EYA3: variants seen among roughly 807,000 people sequenced by gnomAD.
EYA3 encodes EYA transcriptional coactivator and phosphatase 3, also known as protein phosphatase EYA3.
In EYA3, 39 loss-of-function variants were observed where a neutral mutation model predicts 80.0. The observed-to-expected ratio is 0.49, with a 90% confidence interval of 0.38 to 0.64. EYA3 has a LOEUF of 0.64. Ranked by LOEUF, EYA3 falls within the 30% of genes least tolerant of loss-of-function variation. EYA3 has a pLI of 0.00. For synonymous variants in EYA3, 206 were observed against 232.8 expected (o/e 0.88, Z 1.05); for missense variants, 523 against 676.1 (o/e 0.77, Z 2.51).
At chr1:28,033,646 T>G (rs905272602) in intron 6 of EYA3, among the ~76,000 whole-genome samples, 6 of 135,308 alleles carry the variant, frequency 4.4e-5, no homozygotes, top group Non-Finnish European at 8.1e-5. Flanking sequence ...TAATGTATTA[T>G]TATTATTATT....
At chr1:28,004,485 A>G (rs1641129087) in intron 10 of EYA3, 66 bp from the exon 11 acceptor site, 11 of 1,191,172 alleles carry the variant, frequency 9.2e-6, no homozygotes, top group Admixed American at 5.6e-5. Flanking sequence ...CCAGAAATCA[A>G]TAACAGAAAG....
At chr1:27,980,226 A>ACCC (rs1639207483) in intron 16 of EYA3, among the ~76,000 whole-genome samples, 1 of 152,200 alleles carries the variant, frequency 6.6e-6, no homozygotes, top group Admixed American at 6.5e-5. Flanking sequence ...CAAACATTAA[A>ACCC]CCATTCAACT....
chr1:28,028,602 A>G (rs1220001357), intron 6 of EYA3, among the ~76,000 whole-genome samples: 1 of 151,068 alleles, frequency 6.6e-6, no homozygotes, highest in Non-Finnish European at 1.5e-5. Context: ...TTTTTAAATA[A>G]GATAGGGTTT....
At chr1:28,079,093 C>T (rs1188011660) in intron 1 of EYA3, among the ~76,000 whole-genome samples, 1 of 152,126 alleles carries the variant, frequency 6.6e-6, no homozygotes, top group East Asian at 1.9e-4. Context: ...CCAGGCCTCC[C>T]AAGTATGAGT....
intron 17 of EYA3, among the ~76,000 whole-genome samples, chr1:27,977,825 G>A (rs1307406410): frequency 6.9e-6 from 1 of 145,266 alleles, no homozygotes; most frequent in Non-Finnish European, 1.5e-5. Flanking sequence ...TCCAGCCTGG[G>A]AGATAGAGTG....
At chr1:28,033,984 C>A (rs1452769620) in intron 6 of EYA3, among the ~76,000 whole-genome samples, 1 of 151,652 alleles carries the variant, frequency 6.6e-6, no homozygotes, top group Non-Finnish European at 1.5e-5. Context: ...CACTTGAGGC[C>A]AGGAGTTTGA....
At chr1:28,083,223 G>T (rs1645494076) in intron 1 of EYA3, among the ~76,000 whole-genome samples, 1 of 152,142 alleles carries the variant, frequency 6.6e-6, no homozygotes, top group Non-Finnish European at 1.5e-5. Context: ...AATGGAGATA[G>T]TAAGAAGAGT....
At position 27,997,180 on chromosome 1, in the gene EYA3, T is replaced by G. The variant is rs544514296; in HGVS notation, c.1142+140A>C. ...TCACACTATACATCACGGTTAACTA[T>G]GTTTGTTTCTATGTCCTCTAACAGG... is the stretch of plus-strand genomic sequence containing the variant. On this transcript the variant is annotated intron_variant, in intron 13 of 17. Transcript: ENST00000373871. 4.3e-4 allele frequency: 323 copies of G among 742,952 alleles called. 2 individuals carry two copies. The highest frequency in any genetic ancestry group is 2.9e-3 in the Middle Eastern group (12 of 4,174). The allele number at this position is 742,952 out of a possible 1,614,324, so 46.0% of individuals were successfully genotyped here. A position where few individuals can be genotyped will look rare whatever the true frequency, so the allele number is the denominator to read the frequency against.
In EYA3 at chr1:28,048,444, C is replaced by T. The variant is rs1431019651; in HGVS notation, c.34-18G>A. ...TTTTTCACCTGCAAAAATAAATATA[C>T]AAAGGTATCAATGTACTTGATCTGT... On this transcript the variant is annotated intron_variant, in intron 2 of 17. Transcript: ENST00000373871. 1 of 1,602,678 alleles carries T rather than the reference C, an allele frequency of 6.2e-7. No individual in the cohort carries two copies. Among genetic ancestry groups the T allele is most frequent in the East Asian group, 2.2e-5 (1 of 44,738 alleles).
At chr1:28,029,087 G>A (rs970642896) in intron 6 of EYA3, among the ~76,000 whole-genome samples, 6 of 152,270 alleles carry the variant, frequency 3.9e-5, no homozygotes, top group Non-Finnish European at 4.4e-5. Flanking sequence ...ATCTTTCCAA[G>A]TCAGAACATA....
At chr1:28,078,644 TA>T (rs1208349990) in intron 1 of EYA3, among the ~76,000 whole-genome samples, 4 of 152,230 alleles carry the variant, frequency 2.6e-5, no homozygotes, top group Admixed American at 2.6e-4. Flanking sequence ...CTCCCAGGTT[TA>T]GCAATTTTTA....
chr1:28,004,398 C>T lies in EYA3; in HGVS notation c.931G>A (p.Asp311Asn). Residue 311 changes from aspartate (D) to asparagine (N), a missense_variant, in exon 11 of 18, where the codon GAT (aspartate) becomes AAT (asparagine). Around this residue, in one of 2 missense-constraint regions of EYA3, gnomAD observed 219 missense variants for 332.8 expected, o/e 0.66. Transcript: ENST00000373871. Reference protein sequence around the residue: ...ELERVFLWDLDETIIIFHSLL... With the variant: ...ELERVFLWDLNETIIIFHSLL... ...GAGTGGAAGATGATGATGGTTTCAT[C>T]CAAGTCCCACAGAAATACCCGCTGA... 1 of 1,607,932 alleles carries T rather than the reference C, an allele frequency of 6.2e-7. No individual in the cohort carries two copies. Among genetic ancestry groups the T allele is most frequent in the Non-Finnish European group, 8.5e-7 (1 of 1,175,628 alleles).
At chr1:27,976,920 G>C (rs1174014671) in intron 17 of EYA3, 1 of 541,192 alleles carries the variant, frequency 1.8e-6, no homozygotes, top group African/African-American at 2.1e-5. Context: ...ATTTCACCAT[G>C]TTGGCCAGGC....
intron 1 of EYA3, among the ~76,000 whole-genome samples, chr1:28,069,581 A>G (rs1394618690): frequency 6.7e-6 from 1 of 148,626 alleles, no homozygotes; most frequent in African/African-American, 2.5e-5. Flanking sequence ...GAAGAAGAAG[A>G]AAAAAAAAGA....
intron 7 of EYA3, among the ~76,000 whole-genome samples, chr1:28,019,121 G>C (rs1272018637): frequency 6.6e-6 from 1 of 152,166 alleles, no homozygotes; most frequent in Admixed American, 6.5e-5. Context: ...AGCTGAGATC[G>C]CGCCACTGCA....
intron 17 of EYA3, 76 bp downstream of exon 17, chr1:27,978,298 A>G: frequency 9.6e-7 from 1 of 1,044,212 alleles, no homozygotes; most frequent in Non-Finnish European, 1.5e-6. Context: ...TAGATTGCTA[A>G]GATTTTGTAG....
Position 28,027,920 on chromosome 1 carries a change from A to G in EYA3, c.368T>C (p.Leu123Ser), listed in dbSNP as rs761172523. The G allele has an allele frequency of 3.1e-6, 5 of 1,614,092 alleles. No homozygotes were observed. Among genetic ancestry groups the G allele is most frequent in the Non-Finnish European group, 3.4e-6 (4 of 1,179,982 alleles). ...QTYGLPPFGA[L>S]WPGMKPESGL... ...ACTTTCAGGTTTCATACCTGGCCAC[A>G]ATGCACCTGAATCAGATAAATTGGA... The change falls in exon 7 of 18, where the codon TTG becomes TCG. Residue 123 changes from leucine (L) to serine (S), a missense_variant. Physicochemically the swap from Leu to Ser is moderately radical, Grantham distance 145. Coordinates refer to ENST00000373871, the MANE Select transcript of EYA3 (RefSeq NM_001990.4).
chr1:28,014,197 G>A lies in EYA3; in HGVS notation c.586-903C>T, dbSNP rs186442592. 1.2e-3 allele frequency among the ~76,000 whole-genome samples: 181 copies of A among 151,984 alleles called. No homozygotes were observed. The Middle Eastern group carries it at 0.014, about 11-fold the overall frequency. ...TTTGGGAGGACGAGGTGGGAGGATCGCATGAGCTCAGGAGTTTGAGACCAG... is the reference window on the plus strand; with the variant it reads ...TTTGGGAGGACGAGGTGGGAGGATCACATGAGCTCAGGAGTTTGAGACCAG... On this transcript the variant is annotated intron_variant, in intron 8 of 17. Transcript: ENST00000373871.
At chr1:28,016,392 G>C (rs1642069365) in intron 8 of EYA3, among the ~76,000 whole-genome samples, 1 of 152,020 alleles carries the variant, frequency 6.6e-6, no homozygotes, top group South Asian at 2.1e-4. Flanking sequence ...AGCTGGGCAT[G>C]GTGGCACATG....
Sources: gnomAD v4.1 joint callset for allele counts (sites outside exome capture counted in the v4.1 genomes callset) on GRCh38, gnomAD v4.1.1 for gene constraint, gnomAD v4.1.1 regional missense constraint, MANE v1.5 for transcripts, NCBI Gene and HGNC (gene_info 2026-07-23, HGNC 2026-07-21) for gene names.